KAT6B: variants seen among roughly 807,000 people sequenced by gnomAD.
KAT6B encodes the protein lysine acetyltransferase 6B, also known as histone acetyltransferase KAT6B.
Under a neutral mutation model 187.5 loss-of-function variants are expected in KAT6B, and 10 were observed. The ratio of observed to expected loss-of-function variants is 0.05; its 90% CI spans 0.03 to 0.09. The LOEUF (loss-of-function observed/expected upper bound fraction) is 0.09, where lower values mean the gene tolerates loss of function less well. KAT6B is among the 10% of genes least tolerant of loss of function. The pLI is 1.00. For synonymous variants in KAT6B, 861 were observed against 926.8 expected (o/e 0.93, Z 1.29); for missense variants, 1,952 against 2,558.9 (o/e 0.76, Z 5.12).
rs763551940 is a variant in KAT6B at position 74,969,626 on chromosome 10, T to C, written c.731-34T>C. The C allele has an allele frequency of 2.3e-6, 3 of 1,282,988 alleles. No individual in the cohort carries two copies. In the East Asian group the frequency reaches 6.9e-5, roughly 30 times the overall value. 79.5% of individuals were successfully genotyped at this position (1,282,988 alleles called of 1,614,324 possible). On this transcript the variant is annotated intron_variant, in intron 4 of 17. Coordinates refer to ENST00000287239, the MANE Select transcript of KAT6B (RefSeq NM_012330.4). The stretch of plus-strand genomic sequence containing the variant: ...GAGTTTAAAAAAGTCAAAGGCACCA[T>C]TCCCATCAAGCAATTTGCTTTTTAT...
At chr10:74,912,375 GGATAGATAGATA>G (rs35051764) in intron 3 of KAT6B, among the ~76,000 whole-genome samples, 4 of 145,644 alleles carry the variant, frequency 2.7e-5, no homozygotes, top group African/African-American at 5.2e-5. Context: ...ATGGATGGAT[GGATAGATAGATA>G]GATAGATAGA....
chr10:74,856,122 G>C lies in KAT6B; in HGVS notation c.621+12644G>C, dbSNP rs191973852. Among the ~76,000 whole-genome samples, 406 of 152,226 alleles carry C rather than the reference G, an allele frequency of 2.7e-3. 1 individual carries two copies. Among genetic ancestry groups the C allele is most frequent in the African/African-American group, 9.3e-3 (388 of 41,524 alleles). On this transcript the variant is annotated intron_variant, in intron 3 of 17. Coordinates refer to ENST00000287239, the MANE Select transcript of KAT6B (RefSeq NM_012330.4). Reference sequence around the variant, plus strand: ...TTTTTTTGAGATGGAGTCTCGCTCTGTTGCCCAGGCTGGGGTGCAGTGGTA... The same window carrying C: ...TTTTTTTGAGATGGAGTCTCGCTCTCTTGCCCAGGCTGGGGTGCAGTGGTA...
chr10:75,013,593 C>T lies in KAT6B; in HGVS notation c.2630-6989C>T, dbSNP rs374304911. On this transcript the variant is annotated intron_variant, in intron 13 of 17. Coordinates refer to ENST00000287239, the MANE Select transcript of KAT6B (RefSeq NM_012330.4). ...TCCAAATTTTATTTCTTTCCCCTACCTTAAGGATGTTTAGTTACCCAAATG... is the reference window on the plus strand; with the variant it reads ...TCCAAATTTTATTTCTTTCCCCTACTTTAAGGATGTTTAGTTACCCAAATG... Among the ~76,000 whole-genome samples the T allele has an allele frequency of 4.9e-4, 74 of 152,256 alleles. No homozygotes were observed. The Middle Eastern group carries it at 0.01, about 21-fold the overall frequency.
intron 3 of KAT6B, among the ~76,000 whole-genome samples, chr10:74,902,540 C>T (rs753828188): frequency 7.9e-5 from 12 of 152,118 alleles, no homozygotes; most frequent in Non-Finnish European, 1.3e-4. Context: ...TCCTGTAAAC[C>T]GACTATTCAA....
Position 74,966,652 on chromosome 10 carries a change from A to T in KAT6B, c.731-3008A>T, listed in dbSNP as rs4491161. On this transcript the variant is annotated intron_variant, in intron 4 of 17. Transcript: ENST00000287239. ...ATATGTATTATGGCTCTCAAATCTG[A>T]TAAATTGCAAAATACAATAGTAAAA... Among the ~76,000 whole-genome samples the T allele has an allele frequency of 7.9e-5, 12 of 152,362 alleles. No individual in the cohort carries two copies. In the East Asian group the frequency reaches 2.3e-3, roughly 29 times the overall value.
chr10:74,950,103 A>G (rs1047878728), intron 3 of KAT6B, among the ~76,000 whole-genome samples: 12 of 152,190 alleles, frequency 7.9e-5, no homozygotes, highest in Non-Finnish European at 1.5e-5. Flanking sequence ...ATAAAAATCT[A>G]TATAGGGAGA....
intron 3 of KAT6B, among the ~76,000 whole-genome samples, chr10:74,908,726 GC>G (rs1846976869): frequency 6.6e-6 from 1 of 152,098 alleles, no homozygotes; most frequent in Non-Finnish European, 1.5e-5. Context: ...CTGATTCTCT[GC>G]TTTTCCAGCT....
At chr10:74,960,991 C>A (rs1841059500) in intron 4 of KAT6B, among the ~76,000 whole-genome samples, 1 of 152,052 alleles carries the variant, frequency 6.6e-6, no homozygotes, top group East Asian at 1.9e-4. Flanking sequence ...ATTCTTATTC[C>A]TTATATGAAG....
chr10:74,833,156 A>AG (rs1223393682), intron 1 of KAT6B, among the ~76,000 whole-genome samples: 1 of 151,756 alleles, frequency 6.6e-6, no homozygotes. Context: ...AAAAAAAAAA[A>AG]AAATCACATT....
chr10:74,986,073 G>C (rs987833487), intron 12 of KAT6B, among the ~76,000 whole-genome samples: 3 of 152,010 alleles, frequency 2.0e-5, no homozygotes, highest in African/African-American at 4.8e-5. Flanking sequence ...AACAAAACAA[G>C]AACAAAGAAA....
At chr10:74,928,512 A>G (rs1848649687) in intron 3 of KAT6B, among the ~76,000 whole-genome samples, 1 of 152,096 alleles carries the variant, frequency 6.6e-6, no homozygotes, top group Admixed American at 6.6e-5. Flanking sequence ...TATTTAGTGA[A>G]CTCCACTACT....
chr10:74,976,369 C>G, intron 8 of KAT6B, 39 bp downstream of exon 8: 1 of 1,539,558 alleles, frequency 6.5e-7, no homozygotes, highest in Admixed American at 1.7e-5. Context: ...ACCTGCGTCC[C>G]GTCCCTTTCT....
chr10:74,994,644 G>A (rs1843314705), intron 13 of KAT6B, among the ~76,000 whole-genome samples: 1 of 151,884 alleles, frequency 6.6e-6, no homozygotes, highest in African/African-American at 2.4e-5. Context: ...AAAATGAGCC[G>A]GGCTTGGTGG....
At chr10:74,953,456 GAC>G (rs770140311) in intron 3 of KAT6B, among the ~76,000 whole-genome samples, 2 of 152,206 alleles carry the variant, frequency 1.3e-5, no homozygotes, top group East Asian at 3.8e-4. Context: ...AGACAACACA[GAC>G]ACTATTGTGC....
chr10:74,969,448 G>A (rs534220372), intron 4 of KAT6B, among the ~76,000 whole-genome samples: 6 of 152,264 alleles, frequency 3.9e-5, no homozygotes, highest in African/African-American at 7.2e-5. Flanking sequence ...GAAAACATTC[G>A]TACAGTCATT....
intron 1 of KAT6B, among the ~76,000 whole-genome samples, chr10:74,832,952 G>A (rs1022121465): frequency 1.1e-4 from 17 of 151,402 alleles, no homozygotes; most frequent in Admixed American, 3.3e-4. Flanking sequence ...GTAAAACCCC[G>A]TCTCTACTAA....
intron 3 of KAT6B, among the ~76,000 whole-genome samples, chr10:74,888,414 A>G (rs1845435976): frequency 6.6e-6 from 1 of 152,230 alleles, no homozygotes; most frequent in South Asian, 2.1e-4. Flanking sequence ...AGAAAACACT[A>G]GAATAAATGG....
intron 3 of KAT6B, among the ~76,000 whole-genome samples, chr10:74,885,553 A>T (rs1331406832): frequency 6.6e-6 from 1 of 152,154 alleles, no homozygotes; most frequent in Non-Finnish European, 1.5e-5. Context: ...GAACTTTGGG[A>T]AGGCAAAAAT....
At chr10:74,865,202 G>A (rs1843470530) in intron 3 of KAT6B, among the ~76,000 whole-genome samples, 1 of 152,146 alleles carries the variant, frequency 6.6e-6, no homozygotes, top group Non-Finnish European at 1.5e-5. Context: ...TTTTGAACAT[G>A]TATCAGCTTT....
Sources: allele counts gnomAD v4.1 joint callset (sites outside exome capture counted in the v4.1 genomes callset), GRCh38; gene constraint gnomAD v4.1.1; transcripts MANE v1.5; gene names NCBI Gene and HGNC (gene_info 2026-07-23, HGNC 2026-07-21).